SERPINB11: variants seen among roughly 807,000 people sequenced by gnomAD.
SERPINB11 encodes the protein serpin B11.
A neutral mutation model predicts 36.7 loss-of-function variants in SERPINB11; 32 were observed. The observed-to-expected ratio is 0.87, with a 90% confidence interval of 0.66 to 1.17. SERPINB11 has a LOEUF of 1.17. SERPINB11 is among the 50% of genes most tolerant of loss of function. The pLI is 0.00. For synonymous variants in SERPINB11, 174 were observed against 168.1 expected, an observed-to-expected ratio of 1.04 and a Z score of -0.27; for missense variants, 528 against 458.4, an observed-to-expected ratio of 1.15 and a Z score of -1.39.
chr18:63,709,645 T>TAAAATAAAATAAAATAAAATAAAAA (rs1231244273), intron 1 of SERPINB11, among the ~76,000 whole-genome samples: 1 of 151,374 alleles, frequency 6.6e-6, no homozygotes, highest in Non-Finnish European at 1.5e-5. Flanking sequence ...TAAAATAAAA[T>TAAAATAAAATAAAATAAAATAAAAA]AAAAAGTAAA....
intron 7 of SERPINB11, among the ~76,000 whole-genome samples, chr18:63,721,837 G>A (rs757318547): frequency 6.6e-6 from 1 of 152,172 alleles, no homozygotes; most frequent in Non-Finnish European, 1.5e-5. Flanking sequence ...GAAGTGCAGC[G>A]GTGGCCATAA....
intron 5 of SERPINB11, among the ~76,000 whole-genome samples, chr18:63,717,156 T>C (rs1436277725): frequency 6.6e-6 from 1 of 152,114 alleles, no homozygotes; most frequent in African/African-American, 2.4e-5. Context: ...TTATGTGGGT[T>C]TTTTTTAGGT....
chr18:63,711,062 A>G (rs970279613), intron 2 of SERPINB11, among the ~76,000 whole-genome samples: 3 of 152,178 alleles, frequency 2.0e-5, no homozygotes, highest in African/African-American at 7.2e-5. Flanking sequence ...AGTCCCTGGA[A>G]CCTGACAATG....
Position 63,720,645 on chromosome 18 carries a change from C to T in SERPINB11, c.619-186C>T, listed in dbSNP as rs550013149. Reference sequence around the variant, plus strand: ...AGAACAATTCAGTCTCTAACCATGACTTATTTTAAATTAAAAAAATGGATA... The same window carrying T: ...AGAACAATTCAGTCTCTAACCATGATTTATTTTAAATTAAAAAAATGGATA... On this transcript the variant is annotated intron_variant, in intron 6 of 7. Transcript: ENST00000544088. 5 of 539,548 alleles carry T rather than the reference C, an allele frequency of 9.3e-6. No individual in the cohort carries two copies. In the African/African-American group the frequency reaches 9.7e-5, roughly 10 times the overall value. The allele number at this position is 539,548 out of a possible 1,614,324, so 33.4% of individuals were successfully genotyped here.
At chr18:63,715,063 A>G (rs12327542) in intron 4 of SERPINB11, among the ~76,000 whole-genome samples, 54,324 of 151,776 alleles carry the variant, frequency 0.36, 10,324 homozygotes, top group East Asian at 0.59. Context: ...TCAGCAGGTC[A>G]GTCCCTCCGT....
At chr18:63,710,872 T>G (rs1914505629) in intron 2 of SERPINB11, among the ~76,000 whole-genome samples, 1 of 152,342 alleles carries the variant, frequency 6.6e-6, no homozygotes, top group East Asian at 1.9e-4. Flanking sequence ...CCATTACGTA[T>G]ATTTTAATTG....
Position 63,709,542 on chromosome 18 carries a change from C to T in SERPINB11, c.-15-637C>T, listed in dbSNP as rs902927372. Among the ~76,000 whole-genome samples the T allele has an allele frequency of 1.9e-4, 29 of 151,622 alleles. 1 individual carries two copies. Among genetic ancestry groups the T allele is most frequent in the African/African-American group, 6.6e-4 (27 of 41,216 alleles). On this transcript the variant is annotated intron_variant, in intron 1 of 7. Transcript: ENST00000544088. ...AGGAGAATGGCATGAACCCAGGAGGCGGAGCTTGCAGTGAGCTGAGATCGC... is the reference window on the plus strand; with the variant it reads ...AGGAGAATGGCATGAACCCAGGAGGTGGAGCTTGCAGTGAGCTGAGATCGC...
At chr18:63,707,607 G>A (rs1174160996) in intron 1 of SERPINB11, among the ~76,000 whole-genome samples, 1 of 152,176 alleles carries the variant, frequency 6.6e-6, no homozygotes, top group African/African-American at 2.4e-5. Flanking sequence ...TCTAGAAGCA[G>A]CAGGGATATT....
intron 5 of SERPINB11, 54 bp downstream of exon 5, chr18:63,716,206 C>G: frequency 8.9e-7 from 1 of 1,127,246 alleles, no homozygotes; most frequent in East Asian, 2.6e-5. Flanking sequence ...GATAAGCAAC[C>G]TGAGTCCACT....
At chr18:63,708,654 G>A (rs1914433583) in intron 1 of SERPINB11, among the ~76,000 whole-genome samples, 1 of 152,190 alleles carries the variant, frequency 6.6e-6, no homozygotes, top group Non-Finnish European at 1.5e-5. Flanking sequence ...GACATGTTAA[G>A]TTTGAGATAT....
At chr18:63,710,997 C>G (rs1914508594) in intron 2 of SERPINB11, among the ~76,000 whole-genome samples, 1 of 152,128 alleles carries the variant, frequency 6.6e-6, no homozygotes, top group African/African-American at 2.4e-5. Flanking sequence ...TGGGTACTGT[C>G]TTAGTTAACA....
Position 63,723,476 on chromosome 18 carries a change from G to C in SERPINB11, c.*77G>C. Reference sequence around the variant, plus strand: ...CCTGTGACTTTCCCACGGCCAAAAAGCTGTTCACACCTCACACACCTCTGT... The same window carrying C: ...CCTGTGACTTTCCCACGGCCAAAAACCTGTTCACACCTCACACACCTCTGT... On this transcript the variant is annotated 3_prime_UTR_variant, in exon 8 of 8. Transcript: ENST00000544088. 7.2e-7 allele frequency: 1 copy of C among 1,385,280 alleles called. No homozygotes were observed. Among genetic ancestry groups the C allele is most frequent in the Non-Finnish European group, 9.9e-7 (1 of 1,011,770 alleles). The allele number at this position is 1,385,280 out of a possible 1,614,324, so 85.8% of individuals were successfully genotyped here. A position where few individuals can be genotyped will look rare whatever the true frequency, so the allele number is the denominator to read the frequency against.
chr18:63,717,626 A>T (rs4941216), intron 5 of SERPINB11, among the ~76,000 whole-genome samples: 4 of 151,712 alleles, frequency 2.6e-5, no homozygotes, highest in Non-Finnish European at 5.9e-5. Flanking sequence ...AATTTTTCAT[A>T]TGCTGCATAT....
At chr18:63,721,861 G>A (rs571878660) in intron 7 of SERPINB11, among the ~76,000 whole-genome samples, 4 of 152,336 alleles carry the variant, frequency 2.6e-5, no homozygotes, top group African/African-American at 2.4e-5. Flanking sequence ...GTATGCTTAC[G>A]GTTGTGGTTA....
At chr18:63,722,971 G>T (rs766532210) in intron 7 of SERPINB11, 24 bp from the exon 8 acceptor site, 7 of 1,534,890 alleles carry the variant, frequency 4.6e-6, no homozygotes, top group Non-Finnish European at 6.1e-6. Flanking sequence ...ACTCATGTGG[G>T]CTTGTCTGTG....
chr18:63,712,564 G>C lies in SERPINB11; in HGVS notation c.229-1G>C, dbSNP rs765431300. On this transcript the variant is annotated splice_acceptor_variant, in intron 3 of 7. Coordinates refer to ENST00000544088, the MANE Select transcript of SERPINB11 (RefSeq NM_001370475.1). LOFTEE classifies it high-confidence loss of function. The stretch of plus-strand genomic sequence containing the variant: ...TCATTCTTTGTTTACTGATGCTTCA[G>C]TGCAGCCAAGCTGGAAGAATTCATT... 1.2e-6 allele frequency: 2 copies of C among 1,613,542 alleles called. No individual in the cohort carries two copies. The highest frequency in any genetic ancestry group is 1.7e-5 in the Admixed American group (1 of 59,996).
intron 7 of SERPINB11, 134 bp downstream of exon 7, chr18:63,721,120 CG>C: frequency 2.3e-6 from 2 of 878,384 alleles, no homozygotes; most frequent in East Asian, 5.4e-5. Context: ...AGGATTGTCC[CG>C]GGGGTGTGAA....
chr18:63,717,198 C>T (rs1252581918), intron 5 of SERPINB11, among the ~76,000 whole-genome samples: 2 of 152,030 alleles, frequency 1.3e-5, no homozygotes, highest in African/African-American at 4.8e-5. Flanking sequence ...CATGTAGTTA[C>T]ACATTGCATG....
At chr18:63,703,519 TA>T (rs1914293171) in intron 1 of SERPINB11, among the ~76,000 whole-genome samples, 1 of 152,260 alleles carries the variant, frequency 6.6e-6, no homozygotes, top group African/African-American at 2.4e-5. Flanking sequence ...GGTTTATGTT[TA>T]TGTGAACATT....
Sources: allele counts gnomAD v4.1 joint callset (sites outside exome capture counted in the v4.1 genomes callset), GRCh38; gene constraint gnomAD v4.1.1; transcripts MANE v1.5; gene names NCBI Gene and HGNC (gene_info 2026-07-23, HGNC 2026-07-21).